DENND2B: variants seen among roughly 807,000 people sequenced by gnomAD.
DENND2B encodes the protein DENN domain containing 2B, also known as DENN domain-containing protein 2B.
A neutral mutation model predicts 116.0 loss-of-function variants in DENND2B; 32 were observed. The observed-to-expected ratio is 0.28, with a 90% CI of 0.21 to 0.37. DENND2B has a LOEUF of 0.37. Ranked by LOEUF, DENND2B falls within the 10% of genes least tolerant of loss-of-function variation. The pLI is 1.00. For missense variants in DENND2B, 1,276 were observed against 1,477.7 expected, an observed-to-expected ratio of 0.86 and a Z score of 2.24; for synonymous variants, 588 against 583.9, an observed-to-expected ratio of 1.01 and a Z score of -0.10.
In DENND2B at chr11:8,730,758, A is replaced by T; in HGVS notation, c.532T>A (p.Ser178Thr). Reference protein sequence around the residue: ...ISAWEGRREASPRMSMCGEKR... With the variant: ...ISAWEGRREATPRMSMCGEKR... ...TCTCCACACATGCTCATCCTGGGCG[A>T]CGCCTCTCGGCGACCTTCCCATGCT... The change falls in exon 3 of 20, where the codon TCG becomes ACG. Residue 178 changes from serine to threonine, a missense_variant. Coordinates refer to ENST00000313726, the MANE Select transcript of DENND2B (RefSeq NM_213618.2). This position sits in a 1 kb window ranked among gnomAD's most constrained non-coding sequence, Gnocchi z 4.1. The T allele has an allele frequency of 6.2e-7, 1 of 1,612,610 alleles. No homozygotes were observed. Among genetic ancestry groups the T allele is most frequent in the African/African-American group, 1.3e-5 (1 of 75,034 alleles).
intron 1 of DENND2B, among the ~76,000 whole-genome samples, chr11:8,882,671 T>C (rs890121815): frequency 6.6e-6 from 1 of 152,240 alleles, no homozygotes; most frequent in African/African-American, 2.4e-5. Context: ...AATGCATCTA[T>C]GGTTATTTTT....
chr11:8,827,165 CCT>C (rs1266762491), intron 4 of DENND2B, among the ~76,000 whole-genome samples: 6 of 152,222 alleles, frequency 3.9e-5, no homozygotes, highest in African/African-American at 1.4e-4. Context: ...TTATTCCCTC[CCT>C]GTCTGGGGCT....
chr11:8,842,591 T>G (rs1529641), intron 3 of DENND2B, among the ~76,000 whole-genome samples: 60,852 of 152,028 alleles, frequency 0.4, 12,509 homozygotes, highest in Non-Finnish European at 0.44. Context: ...CAATCTGCCC[T>G]GCGCAAACAC....
intron 4 of DENND2B, among the ~76,000 whole-genome samples, chr11:8,819,114 G>A (rs1417345290): frequency 6.6e-6 from 1 of 152,168 alleles, no homozygotes; most frequent in Non-Finnish European, 1.5e-5. Flanking sequence ...TTAAGGAGAG[G>A]CGGGGCTTGG....
At chr11:8,777,447 G>A (rs2134230697) in intron 1 of DENND2B, among the ~76,000 whole-genome samples, 1 of 152,344 alleles carries the variant, frequency 6.6e-6, no homozygotes, top group South Asian at 2.1e-4. Flanking sequence ...ACTGCTTCTA[G>A]AAGATTGGAA....
chr11:8,859,156 G>A (rs896981362), intron 2 of DENND2B, among the ~76,000 whole-genome samples: 1 of 152,156 alleles, frequency 6.6e-6, no homozygotes, highest in Admixed American at 6.5e-5. Flanking sequence ...TCAAAATTTA[G>A]AGCTTGATGA....
Position 8,697,610 on chromosome 11 carries a change from A to G in DENND2B, c.2967T>C (p.Pro989=). 6.2e-7 allele frequency: 1 copy of G among 1,614,164 alleles called. No individual in the cohort carries two copies. The highest frequency in any genetic ancestry group is 8.5e-7 in the Non-Finnish European group (1 of 1,179,992). ...RQMDDEDTLL[P]RKLQAALEQA... ...GCTCCAGAGCTGCCTGTAACTTCCT[A>G]GGTAACAACGTGTCTTCGTCGTCCA... is the stretch of plus-strand genomic sequence containing the variant. The change falls in exon 17 of 20, where the codon CCT becomes CCC. Residue 989 remains proline (P), a synonymous_variant. Coordinates refer to ENST00000313726, the MANE Select transcript of DENND2B (RefSeq NM_213618.2).
intron 1 of DENND2B, among the ~76,000 whole-genome samples, chr11:8,797,688 G>A (rs998061822): frequency 6.6e-6 from 1 of 151,942 alleles, no homozygotes; most frequent in Non-Finnish European, 1.5e-5. Flanking sequence ...GGGTTCCAGC[G>A]ATCCTCCCGC....
intron 9 of DENND2B, 92 bp from the exon 10 acceptor site, chr11:8,711,323 C>A: frequency 9.3e-7 from 1 of 1,070,576 alleles, no homozygotes; most frequent in South Asian, 1.3e-5. Flanking sequence ...GCCCTAGATG[C>A]CACTGACTAG....
intron 4 of DENND2B, chr11:8,719,044 A>G: frequency 3.0e-6 from 3 of 985,546 alleles, no homozygotes; most frequent in Non-Finnish European, 3.6e-6. Flanking sequence ...AGCAGGATTG[A>G]GCCTGGGTGC....
rs371115012 is a variant in DENND2B at position 8,840,838 on chromosome 11, G to A, written c.-155-1488C>T. On this transcript the variant is annotated intron_variant, in intron 3 of 6. Transcript: ENST00000524757. ...CCTGCTTTCTTCCTGGCCTGGCCAC[G>A]GAACTGAAAGCCTAAGAACTGTTCT... Among the ~76,000 whole-genome samples, 316 of 150,916 alleles carry A rather than the reference G, an allele frequency of 2.1e-3. 6 individuals carry two copies. The highest frequency in any genetic ancestry group is 6.6e-3 in the African/African-American group (275 of 41,408).
At chr11:8,866,913 T>C (rs2063600433) in intron 2 of DENND2B, among the ~76,000 whole-genome samples, 1 of 152,188 alleles carries the variant, frequency 6.6e-6, no homozygotes, top group African/African-American at 2.4e-5. Flanking sequence ...CTCTCCAAGG[T>C]GTGAGAGGCT....
At chr11:8,744,111 G>T (rs1263099861) in intron 2 of DENND2B, among the ~76,000 whole-genome samples, 1 of 151,136 alleles carries the variant, frequency 6.6e-6, no homozygotes, top group Non-Finnish European at 1.5e-5. Context: ...ATTATAAAAT[G>T]ATTCATAAGA....
chr11:8,774,875 TA>T (rs557710308), intron 1 of DENND2B, among the ~76,000 whole-genome samples: 2,380 of 150,966 alleles, frequency 0.016, 89 homozygotes, highest in African/African-American at 0.055. Flanking sequence ...TTTTTTTTTT[TA>T]ATTATTATTT....
intron 3 of DENND2B, among the ~76,000 whole-genome samples, chr11:8,851,836 T>A (rs142739636): frequency 4.1e-4 from 63 of 152,338 alleles, no homozygotes; most frequent in African/African-American, 1.5e-3. Context: ...GGTATATATA[T>A]AAACACTAAT....
chr11:8,807,633 G>A (rs1181965057), intron 1 of DENND2B, among the ~76,000 whole-genome samples: 1 of 152,200 alleles, frequency 6.6e-6, no homozygotes, highest in Admixed American at 6.5e-5. Context: ...GGAGGAAAGA[G>A]GGAGTGAGAA....
At chr11:8,739,817 C>T (rs1466455521) in intron 2 of DENND2B, among the ~76,000 whole-genome samples, 1 of 152,186 alleles carries the variant, frequency 6.6e-6, no homozygotes, top group Non-Finnish European at 1.5e-5. Context: ...CACACACACA[C>T]ACAAATATGT....
intron 1 of DENND2B, among the ~76,000 whole-genome samples, chr11:8,751,206 T>TAAATAC: frequency 6.6e-6 from 1 of 152,190 alleles, no homozygotes; most frequent in Non-Finnish European, 1.5e-5. Context: ...CCACAGGCTG[T>TAAATAC]ATCTAGCTAA....
rs756739564 is a variant in DENND2B at position 8,694,148 on chromosome 11, CAA to C, written c.3380-20_3380-19del. On this transcript the variant is annotated intron_variant, in intron 19 of 19. Transcript: ENST00000313726. The stretch of plus-strand genomic sequence containing the variant: ...TTTGTTGCCTGTGGGCCAGAGAGGA[CAA>C]GAGAGAATGTTCAGTGTTATCCCTT... The C allele has an allele frequency of 1.6e-5, 26 of 1,614,014 alleles. No individual in the cohort carries two copies. Among genetic ancestry groups the C allele is most frequent in the Non-Finnish European group, 1.3e-5 (15 of 1,180,010 alleles).
Sources: allele counts gnomAD v4.1 joint callset (sites outside exome capture counted in the v4.1 genomes callset), GRCh38; gene constraint gnomAD v4.1.1; non-coding constraint Gnocchi (gnomAD v3.1); transcripts MANE v1.5; gene names NCBI Gene and HGNC (gene_info 2026-07-23, HGNC 2026-07-21).